The following PIK3R5 variants were observed in gnomAD, a reference collection of about 807,000 sequenced individuals.
PIK3R5 encodes phosphoinositide 3-kinase regulatory subunit 5.
In PIK3R5, 32 loss-of-function variants were observed where a neutral mutation model predicts 94.9. That is an observed-to-expected ratio of 0.34 (90% CI 0.25 to 0.45). The LOEUF is 0.45. Among genes scored for constraint, PIK3R5 ranks in the 20% least tolerant of loss-of-function variants. The pLI is 1.00. For synonymous variants in PIK3R5, 443 were observed against 479.4 expected, an observed-to-expected ratio of 0.92 and a Z score of 0.99; for missense variants, 853 against 1,144.6, an observed-to-expected ratio of 0.75 and a Z score of 3.68.
chr17:8,960,949 G>A (rs2151485175), intron 1 of PIK3R5, among the ~76,000 whole-genome samples: 1 of 151,320 alleles, frequency 6.6e-6, no homozygotes, highest in Non-Finnish European at 1.5e-5. Context: ...ACAGCCTGAC[G>A]CCATGCTGAA....
intron 1 of PIK3R5, among the ~76,000 whole-genome samples, chr17:8,915,540 G>A (rs1245060642): frequency 6.6e-6 from 1 of 152,174 alleles, no homozygotes; most frequent in Non-Finnish European, 1.5e-5. Context: ...GCTCACAGGA[G>A]TGTGTGCCAG....
At position 8,884,992 on chromosome 17, in the gene PIK3R5, G is replaced by T. The variant is rs2089779243; in HGVS notation, c.2129-209C>A. 1.7e-6 allele frequency: 1 copy of T among 572,742 alleles called. No individual in the cohort carries two copies. Among genetic ancestry groups the T allele is most frequent in the Non-Finnish European group, 3.2e-6 (1 of 317,260 alleles). The allele number at this position is 572,742 out of a possible 1,614,324, so 35.5% of individuals were successfully genotyped here. On this transcript the variant is annotated intron_variant, in intron 14 of 18. Transcript: ENST00000447110. The surrounding 1 kb of genome is among the most constrained non-coding windows in gnomAD (Gnocchi z 5.8). ...TCCTCAGTGACCCCATCACTCCAGGGCCCATCTCCGCTGTGATCACACATT... is the reference window on the plus strand; with the variant it reads ...TCCTCAGTGACCCCATCACTCCAGGTCCCATCTCCGCTGTGATCACACATT...
chr17:8,923,233 G>A (rs1390076427), intron 1 of PIK3R5, among the ~76,000 whole-genome samples: 4 of 152,196 alleles, frequency 2.6e-5, no homozygotes, highest in Non-Finnish European at 5.9e-5. Flanking sequence ...ATAGCACAGA[G>A]AGGATTCGAA....
intron 1 of PIK3R5, among the ~76,000 whole-genome samples, chr17:8,931,655 A>T (rs1423647248): frequency 6.6e-6 from 1 of 152,220 alleles, no homozygotes; most frequent in Non-Finnish European, 1.5e-5. Flanking sequence ...GGGAAACGTG[A>T]AAAAGAAGAG....
chr17:8,902,385 G>A (rs1454926225), intron 5 of PIK3R5, among the ~76,000 whole-genome samples: 2 of 150,626 alleles, frequency 1.3e-5, no homozygotes, highest in Non-Finnish European at 2.9e-5. Context: ...CTCCCGAGTA[G>A]CTGGGACTAC....
intron 1 of PIK3R5, among the ~76,000 whole-genome samples, chr17:8,962,578 T>C (rs2091585823): frequency 6.6e-6 from 1 of 152,224 alleles, no homozygotes; most frequent in African/African-American, 2.4e-5. Flanking sequence ...CCCCCAAATC[T>C]ATAAAAAGTG....
chr17:8,924,599 C>T (rs554626413), intron 1 of PIK3R5, among the ~76,000 whole-genome samples: 1 of 152,218 alleles, frequency 6.6e-6, no homozygotes, highest in South Asian at 2.1e-4. Context: ...TTTACCACCC[C>T]GTCTTCTCTC....
intron 1 of PIK3R5, among the ~76,000 whole-genome samples, chr17:8,928,161 A>G (rs941469352): frequency 6.6e-6 from 1 of 152,226 alleles, no homozygotes; most frequent in South Asian, 2.1e-4. Context: ...TAGTAATGTC[A>G]GACAAAAGGT....
intron 1 of PIK3R5, among the ~76,000 whole-genome samples, chr17:8,963,535 TTTTTG>T (rs1033067132): frequency 4.0e-5 from 6 of 151,730 alleles, no homozygotes; most frequent in Non-Finnish European, 8.8e-5. Flanking sequence ...TCTTTTTTTT[TTTTTG>T]TTTGTCTGTT....
intron 1 of PIK3R5, among the ~76,000 whole-genome samples, chr17:8,963,277 G>A (rs1371551599): frequency 6.6e-6 from 1 of 152,196 alleles, no homozygotes; most frequent in Non-Finnish European, 1.5e-5. Flanking sequence ...GAAAGGCCAA[G>A]TCAGCACAGC....
Position 8,911,066 on chromosome 17 carries a change from C to T in PIK3R5, c.103+326G>A, listed in dbSNP as rs560961366. ...AACAGGAGAATTCTGGGGAGAGCTGCCTGTGAATTCCCAGCTGCTTTTTCA... is the reference window on the plus strand; with the variant it reads ...AACAGGAGAATTCTGGGGAGAGCTGTCTGTGAATTCCCAGCTGCTTTTTCA... On this transcript the variant is annotated intron_variant, in intron 2 of 18. Transcript: ENST00000447110. The surrounding 1 kb of genome is among the most constrained non-coding windows in gnomAD (Gnocchi z 5.3). Among the ~76,000 whole-genome samples, 1 of 152,304 alleles carries T rather than the reference C, an allele frequency of 6.6e-6. No homozygotes were observed. The highest frequency in any genetic ancestry group is 6.5e-5 in the Admixed American group (1 of 15,302).
intron 15 of PIK3R5, among the ~76,000 whole-genome samples, chr17:8,883,184 G>A (rs34049675): frequency 0.28 from 42,005 of 152,028 alleles, 6,229 homozygotes; most frequent in Non-Finnish European, 0.3. Flanking sequence ...CCTGGCCAAC[G>A]TGGTGAAACC....
intron 14 of PIK3R5, 116 bp downstream of exon 14, chr17:8,886,113 T>A (rs760205922): frequency 2.7e-5 from 19 of 712,826 alleles, no homozygotes; most frequent in Non-Finnish European, 4.5e-5. Flanking sequence ...GCCTACCTCC[T>A]GTGCAACCCC....
chr17:8,948,042 T>TAAAAAAAAA (rs71135932), intron 1 of PIK3R5, among the ~76,000 whole-genome samples: 51 of 62,662 alleles, frequency 8.1e-4, no homozygotes, highest in East Asian at 1.2e-3. Flanking sequence ...GACTCCGTCT[T>TAAAAAAAAA]AAAAAAAAAA....
In PIK3R5 at chr17:8,886,299, C is replaced by T. The variant is rs765320484; in HGVS notation, c.2058G>A (p.Lys686=). ...QTELTFITGE[K]TTEIFIHSLE... is the part of the protein sequence containing the mutation. ...AGGAGTGGATGAAGATCTCTGTCGT[C>T]TTCTCCCCAGTGATGAAGGTCAGCT... The change falls in exon 14 of 19, where the codon AAG becomes AAA. Residue 686 remains lysine (K), a synonymous_variant. Coordinates refer to ENST00000447110, the MANE Select transcript of PIK3R5 (RefSeq NM_001142633.3). 6.2e-7 allele frequency: 1 copy of T among 1,613,786 alleles called. No homozygotes were observed. Among genetic ancestry groups the T allele is most frequent in the Admixed American group, 1.7e-5 (1 of 60,030 alleles).
chr17:8,892,671 T>G lies in PIK3R5; in HGVS notation c.482+915A>C, dbSNP rs2090055213. Reference sequence around the variant, plus strand: ...CTAAACTACAACATTTTAGCATCCTTTCCCTCTGTCTCAACATCTATCATT... The same window carrying G: ...CTAAACTACAACATTTTAGCATCCTGTCCCTCTGTCTCAACATCTATCATT... On this transcript the variant is annotated intron_variant, in intron 6 of 18. Transcript: ENST00000447110. This position sits in a 1 kb window ranked among gnomAD's most constrained non-coding sequence, Gnocchi z 4.3. 6.6e-6 allele frequency among the ~76,000 whole-genome samples: 1 copy of G among 152,220 alleles called. No homozygotes were observed. Among genetic ancestry groups the G allele is most frequent in the Non-Finnish European group, 1.5e-5 (1 of 68,034 alleles).
intron 2 of PIK3R5, among the ~76,000 whole-genome samples, chr17:8,910,222 C>T (rs1567649818): frequency 6.6e-6 from 1 of 152,176 alleles, no homozygotes; most frequent in Non-Finnish European, 1.5e-5. Context: ...GGAGCTCAAG[C>T]TCCAGGACCT....
chr17:8,905,760 A>G (rs2090381816), intron 3 of PIK3R5, 23 bp from the exon 4 acceptor site: 1 of 1,552,426 alleles, frequency 6.4e-7, no homozygotes. Context: ...GGAGAAGGGG[A>G]ATGAGCCTCA....
intron 5 of PIK3R5, among the ~76,000 whole-genome samples, chr17:8,895,049 A>T (rs1673213845): frequency 6.6e-6 from 1 of 152,144 alleles, no homozygotes; most frequent in African/African-American, 2.4e-5. Context: ...GCATATTTAG[A>T]AGTTAACGTT....
Sources: gnomAD v4.1 joint callset for allele counts (sites outside exome capture counted in the v4.1 genomes callset) on GRCh38, gnomAD v4.1.1 for gene constraint, Gnocchi (gnomAD v3.1) non-coding constraint, MANE v1.5 for transcripts, NCBI Gene and HGNC (gene_info 2026-07-23, HGNC 2026-07-21) for gene names.